SLC25A21: variants seen among roughly 807,000 people sequenced by gnomAD.
SLC25A21 encodes the protein solute carrier family 25 member 21.
Under a neutral mutation model 43.8 loss-of-function variants are expected in SLC25A21, and 47 were observed. The ratio of observed to expected loss-of-function variants is 1.07; its 90% CI spans 0.85 to 1.37. The LOEUF is 1.37. Ranked by LOEUF, SLC25A21 falls within the 40% of genes most tolerant of loss-of-function variation. SLC25A21 has a pLI of 0.00. For synonymous variants in SLC25A21, 131 were observed against 121.3 expected (o/e 1.08, Z -0.52); for missense variants, 352 against 350.2 (o/e 1.00, Z -0.04).
intron 1 of SLC25A21, among the ~76,000 whole-genome samples, chr14:36,875,571 G>C (rs1890496869): frequency 6.6e-6 from 1 of 152,278 alleles, no homozygotes; most frequent in Non-Finnish European, 1.5e-5. Flanking sequence ...GCTAGGCATT[G>C]TTCTAAGCAG....
intron 1 of SLC25A21, among the ~76,000 whole-genome samples, chr14:37,145,902 A>G (rs1015243323): frequency 9.2e-5 from 14 of 152,230 alleles, no homozygotes; most frequent in African/African-American, 3.4e-4. Flanking sequence ...GGAAAACTAG[A>G]GCCCTTTTTT....
At chr14:36,720,663 A>T (rs988146307) in intron 6 of SLC25A21, among the ~76,000 whole-genome samples, 1 of 152,258 alleles carries the variant, frequency 6.6e-6, no homozygotes, top group Non-Finnish European at 1.5e-5. Flanking sequence ...AAGAAGGCTT[A>T]ATCGAGAATT....
chr14:37,007,600 A>AAATAATAATAATAATAATAATAAT (rs140657266), intron 1 of SLC25A21, among the ~76,000 whole-genome samples: 2,315 of 148,054 alleles, frequency 0.016, 28 homozygotes, highest in African/African-American at 0.033. Flanking sequence ...TCCCTCTCAA[A>AAATAATAATAATAATAATAATAAT]AATAATAATA....
intron 3 of SLC25A21, among the ~76,000 whole-genome samples, chr14:36,764,156 G>GA (rs1555326636): frequency 1.6e-5 from 1 of 63,568 alleles, no homozygotes; most frequent in African/African-American, 8.9e-5. Flanking sequence ...AAGAAAGAAA[G>GA]AAAGAAAGAA....
chr14:37,083,061 C>G (rs1196235578), intron 1 of SLC25A21, among the ~76,000 whole-genome samples: 2 of 152,138 alleles, frequency 1.3e-5, no homozygotes, highest in Non-Finnish European at 1.5e-5. Context: ...TAAATCTATC[C>G]TAACTGACTT....
chr14:37,040,268 G>T (rs34673041), intron 1 of SLC25A21, among the ~76,000 whole-genome samples: 1 of 3,134 alleles, frequency 3.2e-4, no homozygotes, highest in African/African-American at 1.9e-3. Flanking sequence ...GGGAGGGAGG[G>T]AGGAAGGAAG....
At position 36,901,397 on chromosome 14, in the gene SLC25A21, T is replaced by C. The variant is rs529946051; in HGVS notation, c.71-26393A>G. 2.0e-5 allele frequency among the ~76,000 whole-genome samples: 3 copies of C among 152,296 alleles called. No individual in the cohort carries two copies. The South Asian group carries it at 6.2e-4, about 32-fold the overall frequency. The stretch of plus-strand genomic sequence containing the variant: ...TCATATGGAATAAAGGCAATAATAT[T>C]CTGTATTTTGAGTTAATCTGAACTA... On this transcript the variant is annotated intron_variant, in intron 1 of 9. Coordinates refer to ENST00000331299, the MANE Select transcript of SLC25A21 (RefSeq NM_030631.4).
chr14:36,961,387 A>G (rs941096570), intron 1 of SLC25A21, among the ~76,000 whole-genome samples: 8 of 151,818 alleles, frequency 5.3e-5, no homozygotes, highest in Non-Finnish European at 7.4e-5. Flanking sequence ...AATTTTTTGT[A>G]TTTTTAGTAG....
intron 1 of SLC25A21, among the ~76,000 whole-genome samples, chr14:36,926,015 G>T (rs1892121744): frequency 6.6e-6 from 1 of 152,004 alleles, no homozygotes; most frequent in South Asian, 2.1e-4. Context: ...GACCATATTG[G>T]CATGTATAAA....
At chr14:36,898,473 T>C (rs558127332) in intron 1 of SLC25A21, among the ~76,000 whole-genome samples, 1 of 152,184 alleles carries the variant, frequency 6.6e-6, no homozygotes, top group South Asian at 2.1e-4. Context: ...CCTGACCCCT[T>C]GTGCTTCCTG....
chr14:36,912,754 C>T (rs1465293260), intron 1 of SLC25A21, among the ~76,000 whole-genome samples: 1 of 152,146 alleles, frequency 6.6e-6, no homozygotes, highest in Non-Finnish European at 1.5e-5. Flanking sequence ...TCTATAAATT[C>T]TTAGCTCAAT....
chr14:36,882,319 G>A (rs552791038), intron 1 of SLC25A21, among the ~76,000 whole-genome samples: 230 of 152,314 alleles, frequency 1.5e-3, no homozygotes, highest in Non-Finnish European at 2.8e-3. Context: ...GGAGGCAGTG[G>A]TTGCAGTTAG....
intron 1 of SLC25A21, among the ~76,000 whole-genome samples, chr14:37,103,183 T>C (rs1178680933): frequency 6.6e-6 from 1 of 152,196 alleles, no homozygotes; most frequent in Non-Finnish European, 1.5e-5. Context: ...AAATATTTTA[T>C]CGCACCTTCA....
chr14:37,156,113 C>T (rs1486697109), intron 1 of SLC25A21, among the ~76,000 whole-genome samples: 2 of 148,346 alleles, frequency 1.3e-5, no homozygotes, highest in Admixed American at 6.8e-5. Flanking sequence ...GAGCTGAGAT[C>T]GCACCACTGC....
Position 37,074,773 on chromosome 14 carries a change from G to T in SLC25A21, c.70+97508C>A, listed in dbSNP as rs952809536. On this transcript the variant is annotated intron_variant, in intron 1 of 9. Transcript: ENST00000331299. Reference sequence around the variant, plus strand: ...GCTGGAACCCGAGAGGCAGAGCCGAGATCGCGCCACTGCACTCCAGCCTGA... The same window carrying T: ...GCTGGAACCCGAGAGGCAGAGCCGATATCGCGCCACTGCACTCCAGCCTGA... 3.9e-5 allele frequency among the ~76,000 whole-genome samples: 6 copies of T among 152,058 alleles called. No individual in the cohort carries two copies. The East Asian group carries it at 1.2e-3, about 29-fold the overall frequency.
At chr14:36,853,644 C>A (rs1255189542) in intron 2 of SLC25A21, among the ~76,000 whole-genome samples, 1 of 152,170 alleles carries the variant, frequency 6.6e-6, no homozygotes, top group Admixed American at 6.5e-5. Flanking sequence ...GCTTACTCTA[C>A]TAAATAGTTG....
intron 1 of SLC25A21, among the ~76,000 whole-genome samples, chr14:37,149,660 C>CTCCA (rs1217209650): frequency 6.6e-6 from 1 of 152,224 alleles, no homozygotes; most frequent in African/African-American, 2.4e-5. Flanking sequence ...CACTACTGAA[C>CTCCA]TCCAGCCTGG....
chr14:37,058,791 A>G (rs1417635891), intron 1 of SLC25A21, among the ~76,000 whole-genome samples: 1 of 152,156 alleles, frequency 6.6e-6, no homozygotes. Context: ...GGTCTAGGAA[A>G]TCAGTCCTTT....
At chr14:36,897,563 G>T (rs1891279437) in intron 1 of SLC25A21, among the ~76,000 whole-genome samples, 1 of 152,166 alleles carries the variant, frequency 6.6e-6, no homozygotes, top group Non-Finnish European at 1.5e-5. Context: ...GTCCAGCTTT[G>T]TTCCGTTGCT....
Sources: gnomAD v4.1 joint callset for allele counts (sites outside exome capture counted in the v4.1 genomes callset) on GRCh38, gnomAD v4.1.1 for gene constraint, MANE v1.5 for transcripts, NCBI Gene and HGNC (gene_info 2026-07-23, HGNC 2026-07-21) for gene names.